NCAM2: variants seen among roughly 807,000 people sequenced by gnomAD.
The protein encoded by NCAM2 is neural cell adhesion molecule 2.
NCAM2 carries 30 observed loss-of-function variants against 98.1 expected under a neutral mutation model. The observed-to-expected ratio is 0.31, with a 90% CI of 0.23 to 0.41. The LOEUF (loss-of-function observed/expected upper bound fraction) is 0.41, where lower values mean the gene tolerates loss of function less well. NCAM2 is among the 10% of genes least tolerant of loss of function. The pLI is 1.00. For missense variants in NCAM2, 867 were observed against 1,005.8 expected, an observed-to-expected ratio of 0.86 and a Z score of 1.87; for synonymous variants, 368 against 342.4, an observed-to-expected ratio of 1.07 and a Z score of -0.83.
Position 21,011,350 on chromosome 21 carries a change from G to A in NCAM2, c.55+12732G>A, listed in dbSNP as rs188284870. ...TGCTCATTTCACTGATGGAAACATA[G>A]TCCCTTGAAGAAACGAGGAGTTGCA... On this transcript the variant is annotated intron_variant, in intron 1 of 17. Coordinates refer to ENST00000400546, the MANE Select transcript of NCAM2 (RefSeq NM_004540.5). Among the ~76,000 whole-genome samples, 39 of 152,126 alleles carry A rather than the reference G, an allele frequency of 2.6e-4. No homozygotes were observed. In the East Asian group the frequency reaches 5.0e-3, roughly 20 times the overall value.
At chr21:21,322,793 T>G (rs1402530371) in intron 5 of NCAM2, among the ~76,000 whole-genome samples, 2 of 152,152 alleles carry the variant, frequency 1.3e-5, no homozygotes, top group Non-Finnish European at 2.9e-5. Flanking sequence ...CATATGAAAT[T>G]GCTGCATGCC....
chr21:21,392,152 C>T (rs2076395510), intron 9 of NCAM2, among the ~76,000 whole-genome samples: 1 of 152,154 alleles, frequency 6.6e-6, no homozygotes, highest in African/African-American at 2.4e-5. Flanking sequence ...CTGTATGTGT[C>T]CATGTATTCT....
chr21:21,463,783 A>G (rs1449713685), intron 12 of NCAM2: 1 of 152,076 alleles, frequency 6.6e-6, no homozygotes, highest in African/African-American at 2.4e-5. Flanking sequence ...AAGGAAGGGG[A>G]TTGCTGACAA....
intron 1 of NCAM2, among the ~76,000 whole-genome samples, chr21:21,080,629 CT>C (rs2065774364): frequency 1.4e-5 from 1 of 69,856 alleles, no homozygotes; most frequent in African/African-American, 4.5e-5. Context: ...AAAAAAAAGA[CT>C]TCCTAAGTTG....
At chr21:21,366,011 A>G (rs905618921) in intron 8 of NCAM2, among the ~76,000 whole-genome samples, 3 of 152,112 alleles carry the variant, frequency 2.0e-5, no homozygotes, top group Admixed American at 1.3e-4. Context: ...TTTGACCTGA[A>G]CTGTGTCTTT....
At chr21:21,194,092 A>G (rs901875460) in intron 1 of NCAM2, among the ~76,000 whole-genome samples, 16 of 152,168 alleles carry the variant, frequency 1.1e-4, no homozygotes, top group African/African-American at 2.9e-4. Context: ...ATTTAATCTT[A>G]TCGTTAGAAA....
intron 2 of NCAM2, among the ~76,000 whole-genome samples, chr21:21,283,877 C>G (rs979166767): frequency 2.0e-5 from 3 of 151,856 alleles, no homozygotes; most frequent in African/African-American, 7.2e-5. Context: ...AAGGAAGTTT[C>G]AGAACTTAAA....
At chr21:21,395,231 G>C (rs2076477480) in intron 9 of NCAM2, among the ~76,000 whole-genome samples, 1 of 152,126 alleles carries the variant, frequency 6.6e-6, no homozygotes, top group African/African-American at 2.4e-5. Context: ...GCTCTTGGGA[G>C]GCTGAGGTAG....
At chr21:21,304,115 G>T (rs2073810133) in intron 5 of NCAM2, among the ~76,000 whole-genome samples, 2 of 151,968 alleles carry the variant, frequency 1.3e-5, no homozygotes, top group Non-Finnish European at 2.9e-5. Context: ...TGTTGATGAG[G>T]TTTAATTTTT....
chr21:21,254,618 C>A (rs1213390569), intron 1 of NCAM2, among the ~76,000 whole-genome samples: 1 of 152,136 alleles, frequency 6.6e-6, no homozygotes, highest in East Asian at 1.9e-4. Flanking sequence ...ATCTTCTTAC[C>A]ATGCTAATGG....
At position 21,517,932 on chromosome 21, in the gene NCAM2, C is replaced by T. The variant is rs1988803111; in HGVS notation, c.2282+8877C>T. ...ATTTTTAAGTAGCTGTGAAAAGATT[C>T]CAAGAACCAGTGGAAAAATAAATGA... is the stretch of plus-strand genomic sequence containing the variant. On this transcript the variant is annotated intron_variant, in intron 16 of 17. Coordinates refer to ENST00000400546, the MANE Select transcript of NCAM2 (RefSeq NM_004540.5). Among the ~76,000 whole-genome samples, 4 of 152,084 alleles carry T rather than the reference C, an allele frequency of 2.6e-5. No homozygotes were observed. The South Asian group carries it at 8.3e-4, about 32-fold the overall frequency.
intron 1 of NCAM2, among the ~76,000 whole-genome samples, chr21:21,126,288 A>T (rs1215515227): frequency 6.7e-6 from 1 of 150,304 alleles, no homozygotes; most frequent in Non-Finnish European, 1.5e-5. Context: ...GAATTAGCGT[A>T]ACCTAGTGAA....
intron 1 of NCAM2, among the ~76,000 whole-genome samples, chr21:21,145,011 G>A (rs185321823): frequency 1.2e-4 from 18 of 152,110 alleles, no homozygotes; most frequent in African/African-American, 4.1e-4. Context: ...GCACTGATAT[G>A]AATATTCTTC....
rs145040321 is a variant in NCAM2 at position 21,471,425 on chromosome 21, T to C, written c.1896+2642T>C. ...TATGATTCCAAACTACTTCATCTAT[T>C]AGTTTCTCAAACCACATGAACTCCA... On this transcript the variant is annotated intron_variant, in intron 14 of 17. Coordinates refer to ENST00000400546, the MANE Select transcript of NCAM2 (RefSeq NM_004540.5). 9.2e-5 allele frequency among the ~76,000 whole-genome samples: 14 copies of C among 152,160 alleles called. No individual in the cohort carries two copies. The East Asian group carries it at 2.1e-3, about 23-fold the overall frequency.
intron 1 of NCAM2, among the ~76,000 whole-genome samples, chr21:21,205,359 A>G (rs1056201955): frequency 4.6e-5 from 7 of 152,142 alleles, no homozygotes; most frequent in African/African-American, 2.4e-5. Flanking sequence ...GTCTGTGGAT[A>G]CTACTGCGTA....
chr21:21,391,935 T>A (rs201386867), intron 9 of NCAM2, among the ~76,000 whole-genome samples: 2 of 151,578 alleles, frequency 1.3e-5, no homozygotes, highest in Admixed American at 6.6e-5. Flanking sequence ...CAAAAAAAAA[T>A]TCTTATTTTT....
intron 1 of NCAM2, among the ~76,000 whole-genome samples, chr21:21,245,826 T>C (rs1192146971): frequency 6.8e-6 from 1 of 147,892 alleles, no homozygotes; most frequent in East Asian, 2.0e-4. Flanking sequence ...GAGAGATAAA[T>C]GGCAGATGGT....
chr21:21,305,699 T>C (rs2073858644), intron 5 of NCAM2, among the ~76,000 whole-genome samples: 1 of 152,102 alleles, frequency 6.6e-6, no homozygotes, highest in African/African-American at 2.4e-5. Context: ...AAACAGCTTT[T>C]GGTTTTTCTT....
At chr21:21,221,246 A>G (rs1215527434) in intron 1 of NCAM2, among the ~76,000 whole-genome samples, 2 of 152,042 alleles carry the variant, frequency 1.3e-5, no homozygotes, top group Non-Finnish European at 2.9e-5. Flanking sequence ...TCCAACACAT[A>G]ATAATATTGA....
Sources: gnomAD v4.1 joint callset for allele counts (sites outside exome capture counted in the v4.1 genomes callset) on GRCh38, gnomAD v4.1.1 for gene constraint, MANE v1.5 for transcripts, NCBI Gene and HGNC (gene_info 2026-07-23, HGNC 2026-07-21) for gene names.